Variants in SPATA13 observed in about 807,000 individuals in gnomAD.
The protein encoded by SPATA13 is spermatogenesis associated 13, also known as spermatogenesis-associated protein 13.
A neutral mutation model predicts 104.0 loss-of-function variants in SPATA13; 50 were observed. The observed-to-expected ratio is 0.48, with a 90% CI of 0.38 to 0.61. The LOEUF (loss-of-function observed/expected upper bound fraction) is 0.61. Among genes scored for constraint, SPATA13 ranks in the 20% least tolerant of loss-of-function variants. The probability of loss-of-function intolerance (pLI) is 0.00; values close to 1 mark genes in which losing one functional copy is unlikely to be tolerated. For synonymous variants in SPATA13, 606 were observed against 667.5 expected, an observed-to-expected ratio of 0.91 and a Z score of 1.42; for missense variants, 1,524 against 1,690.6, an observed-to-expected ratio of 0.90 and a Z score of 1.73.
intron 3 of SPATA13, among the ~76,000 whole-genome samples, chr13:24,100,219 T>C (rs1007440700): frequency 2.0e-5 from 3 of 152,202 alleles, no homozygotes; most frequent in African/African-American, 4.8e-5. Context: ...TGATTTATGG[T>C]CTTTCAATGT....
rs1279506352 is a variant in SPATA13, at chr13:24,011,919, C to T, written c.-146-5748C>T. On this transcript the variant is annotated intron_variant, in intron 2 of 14. Coordinates refer to the SPATA13 transcript ENST00000424834. The surrounding 1 kb of genome is among the most constrained non-coding windows in gnomAD (Gnocchi z 4.3). ...TCAGCCTTCTTCTTTAAACTTGCAG[C>T]GGAGGCTTCAATGTGCACCTCCGCC... 6.6e-6 allele frequency among the ~76,000 whole-genome samples: 1 copy of T among 152,192 alleles called. No homozygotes were observed. Among genetic ancestry groups the T allele is most frequent in the Non-Finnish European group, 1.5e-5 (1 of 68,032 alleles).
chr13:24,281,101 G>T (rs1437070942), intron 4 of SPATA13, among the ~76,000 whole-genome samples: 1 of 152,130 alleles, frequency 6.6e-6, no homozygotes, highest in East Asian at 1.9e-4. Context: ...TGAGGCGCCA[G>T]GCCCTGCCAT....
chr13:24,279,531 T>TAAGTGGTGGGAGGGGA (rs1409882345), intron 4 of SPATA13, among the ~76,000 whole-genome samples: 4 of 151,804 alleles, frequency 2.6e-5, no homozygotes, highest in African/African-American at 9.7e-5. Flanking sequence ...AACCCAGGCT[T>TAAGTGGTGGGAGGGGA]AAGTGGTGGG....
intron 3 of SPATA13, among the ~76,000 whole-genome samples, chr13:24,128,811 A>C (rs956830797): frequency 2.6e-5 from 4 of 152,182 alleles, no homozygotes; most frequent in Non-Finnish European, 5.9e-5. Context: ...TATTTGTAGA[A>C]TAATCGCATT....
intron 2 of SPATA13, among the ~76,000 whole-genome samples, chr13:24,233,751 A>C (rs1872407774): frequency 6.6e-6 from 1 of 152,222 alleles, no homozygotes; most frequent in Non-Finnish European, 1.5e-5. Context: ...ATTTCAGTAC[A>C]GACTAGTTAA....
intron 2 of SPATA13, among the ~76,000 whole-genome samples, chr13:24,010,458 CT>C (rs34740517): frequency 0.37 from 50,445 of 136,912 alleles, 9,021 homozygotes; most frequent in Middle Eastern, 0.44. Flanking sequence ...AGGTATGTAG[CT>C]TTTTTTTTTT....
intron 3 of SPATA13, among the ~76,000 whole-genome samples, chr13:24,074,398 A>G (rs964951063): frequency 6.6e-6 from 1 of 151,968 alleles, no homozygotes; most frequent in Non-Finnish European, 1.5e-5. Context: ...TTTTTTTACC[A>G]TTCATCCATT....
At chr13:24,178,378 A>C (rs1041346859) in intron 1 of SPATA13, among the ~76,000 whole-genome samples, 3 of 152,196 alleles carry the variant, frequency 2.0e-5, no homozygotes, top group Non-Finnish European at 4.4e-5. Flanking sequence ...TCATTTTGAT[A>C]CTTCTGAGGA....
Position 24,286,753 on chromosome 13 carries a change from T to C in SPATA13, c.2482-12T>C, listed in dbSNP as rs1875976060. ...TGCCCCAAGTCACCTGTCCCCTGTA[T>C]GTGGGTTGCAGTTGCGAGTGAATCA... On this transcript the variant is annotated splice_polypyrimidine_tract_variant and intron_variant, in intron 6 of 12. Transcript: ENST00000382108. This position sits in a 1 kb window ranked among gnomAD's most constrained non-coding sequence, Gnocchi z 4.9. 1 of 1,613,106 alleles carries C rather than the reference T, an allele frequency of 6.2e-7. No individual in the cohort carries two copies. The highest frequency in any genetic ancestry group is 8.5e-7 in the Non-Finnish European group (1 of 1,179,588).
intron 3 of SPATA13, among the ~76,000 whole-genome samples, chr13:24,091,590 A>G (rs1430619918): frequency 6.6e-6 from 1 of 152,188 alleles, no homozygotes; most frequent in Non-Finnish European, 1.5e-5. Context: ...CAGGTGGATC[A>G]CTTAATGGTC....
chr13:24,273,133 CAAAGGTA>C (rs1874739957), intron 4 of SPATA13: 1 of 152,372 alleles, frequency 6.6e-6, no homozygotes. Context: ...TGGGACAAGT[CAAAGGTA>C]AAACCTAAGA....
In SPATA13 at chr13:24,286,806, C is replaced by G. The variant is rs148608098; in HGVS notation, c.2523C>G (p.Ser841Arg). 3.1e-6 allele frequency: 5 copies of G among 1,613,526 alleles called. No homozygotes were observed. In the African/African-American group the frequency reaches 6.7e-5, roughly 22 times the overall value. Reference protein sequence around the residue: ...NQEELSENSSSTPSEEQDEEA... With the variant: ...NQEELSENSSRTPSEEQDEEA... ...AAGAGCTGTCGGAAAACTCCAGCAGCACCCCCAGTGAGGAGCAGGACGAGG... is the reference window on the plus strand; with the variant it reads ...AAGAGCTGTCGGAAAACTCCAGCAGGACCCCCAGTGAGGAGCAGGACGAGG... Residue 841 changes from serine to arginine, a missense_variant, in exon 7 of 13, where the codon AGC (serine) becomes AGG (arginine). Transcript: ENST00000382108. This position sits in a 1 kb window ranked among gnomAD's most constrained non-coding sequence, Gnocchi z 4.9.
chr13:24,218,568 A>G (rs1871384923), intron 1 of SPATA13, among the ~76,000 whole-genome samples: 2 of 152,104 alleles, frequency 1.3e-5, no homozygotes, highest in Admixed American at 6.5e-5. Flanking sequence ...TTGGATTTCA[A>G]TATGTTTTCT....
At chr13:24,003,602 T>A (rs540644941) in intron 2 of SPATA13, among the ~76,000 whole-genome samples, 1 of 152,356 alleles carries the variant, frequency 6.6e-6, no homozygotes, top group Admixed American at 6.5e-5. Context: ...TGTATTCAGT[T>A]CTTTTCGTAT....
At chr13:24,139,978 G>A (rs1881701945) in intron 3 of SPATA13, among the ~76,000 whole-genome samples, 1 of 151,504 alleles carries the variant, frequency 6.6e-6, no homozygotes, top group African/African-American at 2.4e-5. Flanking sequence ...TGAGGCAGGA[G>A]AATGGTGTGA....
chr13:24,003,049 C>G (rs931158957), intron 2 of SPATA13, among the ~76,000 whole-genome samples: 1 of 152,136 alleles, frequency 6.6e-6, no homozygotes, highest in Non-Finnish European at 1.5e-5. Context: ...GCAGACAGTT[C>G]CCTGTGGCCA....
intron 2 of SPATA13, among the ~76,000 whole-genome samples, chr13:24,232,038 T>G (rs1481049156): frequency 6.6e-6 from 1 of 152,188 alleles, no homozygotes; most frequent in African/African-American, 2.4e-5. Flanking sequence ...TATTCAGGGT[T>G]CTCCAGAGGA....
intron 3 of SPATA13, among the ~76,000 whole-genome samples, chr13:24,086,671 C>T (rs1020180812): frequency 6.6e-6 from 1 of 152,134 alleles, no homozygotes; most frequent in South Asian, 2.1e-4. Flanking sequence ...GGAAGAGTGG[C>T]TGCACAAGGA....
chr13:24,104,818 C>T (rs923939262), intron 3 of SPATA13, among the ~76,000 whole-genome samples: 1 of 152,198 alleles, frequency 6.6e-6, no homozygotes, highest in African/African-American at 2.4e-5. Flanking sequence ...ATTTTCTTAG[C>T]CTGGCTGCAG....
Sources: allele counts gnomAD v4.1 joint callset (sites outside exome capture counted in the v4.1 genomes callset), GRCh38; gene constraint gnomAD v4.1.1; non-coding constraint Gnocchi (gnomAD v3.1); transcripts MANE v1.5; gene names NCBI Gene and HGNC (gene_info 2026-07-23, HGNC 2026-07-21).